Variants in FMO4 observed in about 807,000 individuals in gnomAD.
FMO4 encodes the protein flavin containing dimethylaniline monoxygenase 4.
A neutral mutation model predicts 43.3 loss-of-function variants in FMO4; 38 were observed. That is an observed-to-expected ratio of 0.88 (90% CI 0.68 to 1.15). The LOEUF is 1.15. FMO4 is among the 50% of genes most tolerant of loss of function. FMO4 has a pLI of 0.00. For synonymous variants in FMO4, 224 were observed against 232.2 expected (o/e 0.96, Z 0.32); for missense variants, 631 against 663.3 (o/e 0.95, Z 0.54).
intron 5 of FMO4, among the ~76,000 whole-genome samples, chr1:171,329,096 T>C (rs1662796391): frequency 6.6e-6 from 1 of 152,120 alleles, no homozygotes; most frequent in Admixed American, 6.5e-5. Context: ...TGCCATCCTC[T>C]CCCTCCGAAC....
intron 5 of FMO4, among the ~76,000 whole-genome samples, chr1:171,330,655 G>C (rs952751473): frequency 1.3e-5 from 2 of 152,210 alleles, no homozygotes; most frequent in African/African-American, 4.8e-5. Context: ...AACAGCATGG[G>C]AAAGACCTGC....
At chr1:171,325,550 G>A (rs1007601557) in intron 5 of FMO4, among the ~76,000 whole-genome samples, 24 of 151,964 alleles carry the variant, frequency 1.6e-4, no homozygotes, top group Non-Finnish European at 2.9e-5. Context: ...TACTCAAAAA[G>A]GAATGAAGTG....
intron 2 of FMO4, among the ~76,000 whole-genome samples, chr1:171,317,046 G>C (rs1451252350): frequency 1.3e-5 from 2 of 152,210 alleles, no homozygotes; most frequent in Non-Finnish European, 2.9e-5. Context: ...GAGGCTTAGT[G>C]ACGGGAACCA....
rs1663053326 is a variant in FMO4, at chr1:171,334,774, T to G, written c.1180+11T>G. The G allele has an allele frequency of 6.8e-7, 1 of 1,474,766 alleles. No homozygotes were observed. Among genetic ancestry groups the G allele is most frequent in the South Asian group, 1.3e-5 (1 of 74,302 alleles). 91.4% of individuals were successfully genotyped at this position (1,474,766 alleles called of 1,614,324 possible). The stretch of plus-strand genomic sequence containing the variant: ...CAAGAGTATTCAAAGGTACCATGAC[T>G]CTACTGAAAGTCCTCTCTTTGGATC... On this transcript the variant is annotated intron_variant, in intron 8 of 9. Coordinates refer to ENST00000367749, the MANE Select transcript of FMO4 (RefSeq NM_002022.3).
At position 171,323,332 on chromosome 1, in the gene FMO4, C is replaced by T; in HGVS notation, c.321+140C>T. 4.8e-6 allele frequency: 3 copies of T among 621,336 alleles called. No individual in the cohort carries two copies. The South Asian group carries it at 6.4e-5, about 13-fold the overall frequency. The allele number at this position is 621,336 out of a possible 1,614,324, so 38.5% of individuals were successfully genotyped here. A position where few individuals can be genotyped will look rare whatever the true frequency, so the allele number is the denominator to read the frequency against. On this transcript the variant is annotated intron_variant, in intron 4 of 9. Transcript: ENST00000367749. ...GGAAGATAATAAGGACTCCTCACTTCCGCTGCTGCTCAAGTTTTACTCGAA... is the reference window on the plus strand; with the variant it reads ...GGAAGATAATAAGGACTCCTCACTTTCGCTGCTGCTCAAGTTTTACTCGAA...
chr1:171,333,088 T>C (rs908085260), intron 7 of FMO4, 180 bp downstream of exon 7: 13 of 474,160 alleles, frequency 2.7e-5, no homozygotes, highest in Non-Finnish European at 4.8e-5. Flanking sequence ...ATGTATTCTC[T>C]TTCTGGTGGC....
chr1:171,320,631 G>A (rs1316653106), intron 3 of FMO4, among the ~76,000 whole-genome samples: 2 of 152,152 alleles, frequency 1.3e-5, no homozygotes, highest in East Asian at 1.9e-4. Context: ...ATTGGTGCTG[G>A]TTACTGGAAG....
At chr1:171,321,924 CT>C (rs1157652989) in intron 3 of FMO4, among the ~76,000 whole-genome samples, 3 of 152,156 alleles carry the variant, frequency 2.0e-5, no homozygotes, top group Non-Finnish European at 4.4e-5. Context: ...TCATGGATGA[CT>C]TCTTAGAGAA....
At chr1:171,335,453 A>G (rs1663082382) in intron 8 of FMO4, among the ~76,000 whole-genome samples, 1 of 152,220 alleles carries the variant, frequency 6.6e-6, no homozygotes, top group Non-Finnish European at 1.5e-5. Flanking sequence ...TATTGCTATC[A>G]TACCTCTCTA....
At chr1:171,316,357 T>C (rs1490445528) in intron 2 of FMO4, 30 bp downstream of exon 2, 2 of 152,156 alleles carry the variant, frequency 1.3e-5, no homozygotes, top group South Asian at 2.1e-4. Flanking sequence ...TCCAAACTTG[T>C]TGATACATTT....
Position 171,334,600 on chromosome 1 carries a change from ACCT to A in FMO4, c.1019_1021del (p.Pro340del). 1 of 1,613,402 alleles carries A rather than the reference ACCT, an allele frequency of 6.2e-7. No individual in the cohort carries two copies. Among genetic ancestry groups the A allele is most frequent in the African/African-American group, 1.3e-5 (1 of 74,994 alleles). On this transcript the variant is annotated inframe_deletion, in exon 8 of 10. Transcript: ENST00000367749. ...CATTTTCTTTTCCATTTTTTGAAGA[ACCT>A]CTTAAAAGCCTCTGTACAAAGAAGA... is the stretch of plus-strand genomic sequence containing the variant.
chr1:171,330,767 AGTCTTTTAT>A lies in FMO4; in HGVS notation c.485-868_485-860del, dbSNP rs979338151. Reference sequence around the variant, plus strand: ...GGTGGGGACACAGCCAAACCACATCAGTCTTTTATGTCTGCCAAGGAGATAATCACCAAA... The same window carrying A: ...GGTGGGGACACAGCCAAACCACATCAGTCTGCCAAGGAGATAATCACCAAA... On this transcript the variant is annotated intron_variant, in intron 5 of 9. Coordinates refer to ENST00000367749, the MANE Select transcript of FMO4 (RefSeq NM_002022.3). 1.4e-3 allele frequency among the ~76,000 whole-genome samples: 211 copies of A among 152,286 alleles called. 2 individuals carry two copies. Among genetic ancestry groups the A allele is most frequent in the Non-Finnish European group, 1.8e-4 (12 of 68,014 alleles).
rs932694481 is a variant in FMO4, at chr1:171,331,667, T to C, written c.512T>C (p.Leu171Pro). 6.2e-7 allele frequency: 1 copy of C among 1,613,966 alleles called. No homozygotes were observed. The highest frequency in any genetic ancestry group is 1.3e-5 in the African/African-American group (1 of 75,040). ...ATTCATAAGTTTAAAGGTCAGATCC[T>C]GCATAGTCAAGAGTACAAGATCCCA... ...PGIHKFKGQILHSQEYKIPEG... is the reference protein window; with the variant it reads ...PGIHKFKGQIPHSQEYKIPEG... The change falls in exon 6 of 10, where the codon CTG (leucine) becomes CCG (proline). Residue 171 changes from leucine to proline, a missense_variant. Coordinates refer to ENST00000367749, the MANE Select transcript of FMO4 (RefSeq NM_002022.3).
At chr1:171,317,555 A>C (rs1662247165) in intron 2 of FMO4, among the ~76,000 whole-genome samples, 1 of 152,212 alleles carries the variant, frequency 6.6e-6, no homozygotes, top group Non-Finnish European at 1.5e-5. Context: ...AGGCAAAAGC[A>C]ATGTGATATG....
At chr1:171,323,991 TTCTC>T in intron 4 of FMO4, 143 bp from the exon 5 acceptor site, 1 of 641,804 alleles carries the variant, frequency 1.6e-6, no homozygotes, top group East Asian at 2.9e-5. Context: ...GTTACTTAAC[TTCTC>T]TAGGAAGATG....
chr1:171,323,399 C>T (rs1227235761), intron 4 of FMO4, among the ~76,000 whole-genome samples: 1 of 152,160 alleles, frequency 6.6e-6, no homozygotes, highest in East Asian at 1.9e-4. Flanking sequence ...TGCAGTGGCT[C>T]ACACCTGTAA....
rs12039609 is a variant in FMO4 at position 171,326,511 on chromosome 1, G to T, written c.484+2211G>T. Among the ~76,000 whole-genome samples the T allele has an allele frequency of 2.4e-3, 367 of 152,360 alleles. 5 individuals are homozygous for T. In the East Asian group the frequency reaches 0.035, roughly 14 times the overall value. ...ACATTTCCAAGTTGCTTTGGGAAGT[G>T]CTCTGTTCAGCCTTTGTTACAAGCA... On this transcript the variant is annotated intron_variant, in intron 5 of 9. Transcript: ENST00000367749.
intron 2 of FMO4, among the ~76,000 whole-genome samples, chr1:171,316,716 C>T (rs1662216913): frequency 6.6e-6 from 1 of 152,110 alleles, no homozygotes; most frequent in Non-Finnish European, 1.5e-5. Flanking sequence ...AAAAATGATG[C>T]ATTTTTTAAT....
chr1:171,341,481 G>C lies in FMO4; in HGVS notation c.1319G>C (p.Cys440Ser). ...GCCTACATGGATGATATCGCTGCCT[G>C]CATAGGCACAAAGCCCAGCATCCCA... is the stretch of plus-strand genomic sequence containing the variant. ...YIAYMDDIAACIGTKPSIPLL... is the reference protein window; with the variant it reads ...YIAYMDDIAASIGTKPSIPLL... Residue 440 changes from cysteine (C) to serine (S), a missense_variant, in exon 10 of 10, where the codon TGC (cysteine) becomes TCC (serine). Coordinates refer to ENST00000367749, the MANE Select transcript of FMO4 (RefSeq NM_002022.3). 8 of 1,613,848 alleles carry C rather than the reference G, an allele frequency of 5.0e-6. No individual in the cohort carries two copies. The highest frequency in any genetic ancestry group is 6.8e-6 in the Non-Finnish European group (8 of 1,179,850).
Sources: gnomAD v4.1 joint callset for allele counts (sites outside exome capture counted in the v4.1 genomes callset) on GRCh38, gnomAD v4.1.1 for gene constraint, MANE v1.5 for transcripts, NCBI Gene and HGNC (gene_info 2026-07-23, HGNC 2026-07-21) for gene names.